Variants in SEC14L2 observed in about 807,000 individuals in gnomAD.
The protein encoded by SEC14L2 is SEC14-like protein 2.
Under a neutral mutation model 56.9 loss-of-function variants are expected in SEC14L2, and 50 were observed. The ratio of observed to expected loss-of-function variants is 0.88; its 90% CI spans 0.70 to 1.11. SEC14L2 has a LOEUF of 1.11. Ranked by LOEUF, SEC14L2 falls within the 50% of genes most tolerant of loss-of-function variation. The pLI, the probability that SEC14L2 is intolerant of heterozygous loss-of-function variation, is 0.00. For synonymous variants in SEC14L2, 179 were observed against 188.5 expected, an observed-to-expected ratio of 0.95 and a Z score of 0.41; for missense variants, 414 against 500.7, an observed-to-expected ratio of 0.83 and a Z score of 1.65.
At chr22:30,415,571 G>A (rs1413129360) in intron 8 of SEC14L2, among the ~76,000 whole-genome samples, 188 bp from the exon 9 acceptor site, 1 of 152,206 alleles carries the variant, frequency 6.6e-6, no homozygotes, top group Non-Finnish European at 1.5e-5. Context: ...GCCATCCTCT[G>A]GCTCCTGCTG....
chr22:30,399,563 A>G, intron 1 of SEC14L2, 80 bp from the exon 2 acceptor site: 2 of 915,926 alleles, frequency 2.2e-6, no homozygotes, highest in Middle Eastern at 2.5e-4. Flanking sequence ...GCGTCCAGCA[A>G]AGATCTCAGT....
At chr22:30,413,490 C>T (rs9608906) in intron 8 of SEC14L2, among the ~76,000 whole-genome samples, 3,435 of 152,188 alleles carry the variant, frequency 0.023, 40 homozygotes, top group East Asian at 0.032. Flanking sequence ...GAGGCTGAGG[C>T]AGGAGGACCA....
At chr22:30,422,222 C>T (rs1305617178) in intron 11 of SEC14L2, 55 bp from the exon 12 acceptor site, 18 of 1,607,112 alleles carry the variant, frequency 1.1e-5, no homozygotes, top group Non-Finnish European at 1.3e-5. Context: ...ATCACTGTCC[C>T]CAAGCCCTTT....
intron 1 of SEC14L2, chr22:30,397,487 G>C: frequency 2.5e-6 from 1 of 394,060 alleles, no homozygotes; most frequent in East Asian, 5.0e-5. Context: ...CTCGGGACTG[G>C]CAGCCGGGCC....
rs775114886 is a variant in SEC14L2, at chr22:30,406,352, C to T, written c.141C>T (p.Phe47=). The T allele has an allele frequency of 2.5e-6, 4 of 1,613,998 alleles. No homozygotes were observed. Among genetic ancestry groups the T allele is most frequent in the Admixed American group, 3.3e-5 (2 of 59,998 alleles). ...GTTTCCCTGTTACAGCCAGAAGCTT[C>T]GACCTGCAGAAGTCGGAGGCCATGC... ...FLLRWLRARS[F]DLQKSEAMLR... The change falls in exon 3 of 12, where the codon TTC becomes TTT. Residue 47 remains phenylalanine (F), a synonymous_variant. Transcript: ENST00000615189.
chr22:30,416,070 C>T lies in SEC14L2; in HGVS notation c.894C>T (p.Phe298=). The T allele has an allele frequency of 6.2e-7, 1 of 1,614,266 alleles. No homozygotes were observed. The highest frequency in any genetic ancestry group is 8.5e-7 in the Non-Finnish European group (1 of 1,180,050). The change falls in exon 10 of 12, where the codon TTC becomes TTT. Residue 298 remains phenylalanine (F), a synonymous_variant. Coordinates refer to ENST00000615189, the MANE Select transcript of SEC14L2 (RefSeq NM_012429.5). The part of the protein sequence containing the change: ...SSHQVEYEIL[F]PGCVLRWQFM... ...ACCAAGTGGAGTATGAGATCCTCTT[C>T]CCTGGCTGTGTCCTCAGGTAGGGGC...
intron 7 of SEC14L2, among the ~76,000 whole-genome samples, 182 bp from the exon 8 acceptor site, chr22:30,410,414 G>T (rs1299421775): frequency 6.6e-6 from 1 of 152,246 alleles, no homozygotes; most frequent in Non-Finnish European, 1.5e-5. Context: ...AGATGGGAAG[G>T]CTGGACCTCA....
Position 30,422,497 on chromosome 22 carries a change from C to G in SEC14L2, c.*90C>G. The G allele has an allele frequency of 6.5e-7, 1 of 1,527,122 alleles. No individual in the cohort carries two copies. Among genetic ancestry groups the G allele is most frequent in the Non-Finnish European group, 8.9e-7 (1 of 1,127,006 alleles). 94.6% of individuals were successfully genotyped at this position (1,527,122 alleles called of 1,614,324 possible). Reference sequence around the variant, plus strand: ...AGTCATTTTCGCACAACCCTGAAGCCCAAAGAAACTGGGCTGGAGGACAGA... The same window carrying G: ...AGTCATTTTCGCACAACCCTGAAGCGCAAAGAAACTGGGCTGGAGGACAGA... On this transcript the variant is annotated 3_prime_UTR_variant, in exon 12 of 12. Coordinates refer to ENST00000615189, the MANE Select transcript of SEC14L2 (RefSeq NM_012429.5).
At chr22:30,407,329 T>TA in intron 4 of SEC14L2, 86 bp from the exon 5 acceptor site, 1 of 1,511,900 alleles carries the variant, frequency 6.6e-7, no homozygotes. Flanking sequence ...TAGAGAAAGA[T>TA]ACTGATGAAC....
chr22:30,417,501 G>A (rs1934417650), intron 11 of SEC14L2, among the ~76,000 whole-genome samples: 3 of 152,156 alleles, frequency 2.0e-5, no homozygotes, highest in Non-Finnish European at 4.4e-5. Flanking sequence ...CTTGACTAAA[G>A]GCTAGCTCCA....
At chr22:30,405,826 GC>G (rs1346071022) in intron 2 of SEC14L2, among the ~76,000 whole-genome samples, 1 of 152,082 alleles carries the variant, frequency 6.6e-6, no homozygotes, top group Non-Finnish European at 1.5e-5. Flanking sequence ...AGAGGTGCAT[GC>G]CACCACCTGT....
At chr22:30,402,600 C>T (rs9619106) in intron 2 of SEC14L2, among the ~76,000 whole-genome samples, 3,268 of 152,218 alleles carry the variant, frequency 0.021, 107 homozygotes, top group African/African-American at 0.073. Flanking sequence ...AGTATCCTTT[C>T]CAGGAAGCCA....
intron 7 of SEC14L2, 27 bp from the exon 8 acceptor site, chr22:30,410,569 C>A (rs753331761): frequency 1.4e-5 from 22 of 1,603,778 alleles, no homozygotes; most frequent in Non-Finnish European, 1.8e-5. Context: ...CTGCTCCCAG[C>A]CTCACATTAT....
intron 2 of SEC14L2, among the ~76,000 whole-genome samples, chr22:30,400,913 A>G (rs1437508725): frequency 6.8e-6 from 1 of 147,856 alleles, no homozygotes; most frequent in Non-Finnish European, 1.5e-5. Flanking sequence ...AAAAAAAAAA[A>G]AAAAAAAAAA....
chr22:30,411,543 C>T (rs892770863), intron 8 of SEC14L2, among the ~76,000 whole-genome samples: 8 of 151,400 alleles, frequency 5.3e-5, no homozygotes, highest in African/African-American at 1.5e-4. Context: ...CTTAGGAGTT[C>T]GAGACCAGCC....
intron 1 of SEC14L2, among the ~76,000 whole-genome samples, 178 bp downstream of exon 1, chr22:30,397,348 C>A (rs1434723714): frequency 6.6e-6 from 1 of 152,248 alleles, no homozygotes; most frequent in Non-Finnish European, 1.5e-5. Flanking sequence ...CCCTTTGCCA[C>A]CCTCGAGGTC....
intron 2 of SEC14L2, among the ~76,000 whole-genome samples, chr22:30,403,340 T>C (rs1933993361): frequency 6.6e-6 from 1 of 152,078 alleles, no homozygotes; most frequent in Non-Finnish European, 1.5e-5. Flanking sequence ...GCAAGAAGGA[T>C]CAGAGAGCAG....
intron 8 of SEC14L2, among the ~76,000 whole-genome samples, chr22:30,415,132 G>A (rs1002885885): frequency 6.6e-6 from 1 of 152,040 alleles, no homozygotes; most frequent in Non-Finnish European, 1.5e-5. Context: ...GGCACTTTAT[G>A]GTTTAAAAAG....
In SEC14L2 at chr22:30,422,885, CA is replaced by C. The variant is rs1934559317; in HGVS notation, c.*481del. 6.5e-6 allele frequency: 1 copy of C among 154,298 alleles called. No homozygotes were observed. The highest frequency in any genetic ancestry group is 1.4e-5 in the Non-Finnish European group (1 of 69,140). The allele number at this position is 154,298 out of a possible 1,614,324, so 9.6% of individuals were successfully genotyped here. A position where few individuals can be genotyped will look rare whatever the true frequency, so the allele number is the denominator to read the frequency against. Reference sequence around the variant, plus strand: ...TTACGGTGGGGATCAGAAACTCTTCCAAACATTTTAGCACTGAGGCTGGGGT... The same window carrying C: ...TTACGGTGGGGATCAGAAACTCTTCCAACATTTTAGCACTGAGGCTGGGGT... On this transcript the variant is annotated 3_prime_UTR_variant, in exon 12 of 12. Transcript: ENST00000615189.
Sources: allele counts gnomAD v4.1 joint callset (sites outside exome capture counted in the v4.1 genomes callset), GRCh38; gene constraint gnomAD v4.1.1; transcripts MANE v1.5; gene names NCBI Gene and HGNC (gene_info 2026-07-23, HGNC 2026-07-21).